CD226: variants seen among roughly 807,000 people sequenced by gnomAD.
CD226 encodes the protein CD226 antigen.
CD226 carries 24 observed loss-of-function variants against 34.9 expected under a neutral mutation model. That is an observed-to-expected ratio of 0.69 (90% CI 0.50 to 0.97). CD226 has a LOEUF of 0.97. CD226 is among the 50% of genes least tolerant of loss of function. The pLI, the probability that CD226 is intolerant of heterozygous loss-of-function variation, is 0.00. For missense variants in CD226, 397 were observed against 412.7 expected (o/e 0.96, Z 0.33); for synonymous variants, 148 against 147.4 (o/e 1.00, Z -0.03).
chr18:69,961,394 T>C (rs755734619), upstream of CD226, among the ~76,000 whole-genome samples: 2 of 152,258 alleles, frequency 1.3e-5, no homozygotes, highest in African/African-American at 2.4e-5. Context: ...GGTCAGGCTA[T>C]GAATGGCTAT....
intron 2 of CD226, among the ~76,000 whole-genome samples, chr18:69,940,367 A>G (rs1299803879): frequency 6.6e-6 from 1 of 152,226 alleles, no homozygotes; most frequent in Non-Finnish European, 1.5e-5. Flanking sequence ...CAAGTGTGAA[A>G]GCAACTTTGG....
At chr18:69,921,039 A>C (rs2055444896) in intron 2 of CD226, among the ~76,000 whole-genome samples, 1 of 152,190 alleles carries the variant, frequency 6.6e-6, no homozygotes, top group Non-Finnish European at 1.5e-5. Flanking sequence ...TCAGTTCTTC[A>C]TGCCGAGGCA....
intron 2 of CD226, among the ~76,000 whole-genome samples, chr18:69,901,428 A>C (rs2055181098): frequency 6.6e-6 from 1 of 152,220 alleles, no homozygotes; most frequent in African/African-American, 2.4e-5. Context: ...ATTTGCTTCA[A>C]ATTAATCAAG....
intron 2 of CD226, among the ~76,000 whole-genome samples, chr18:69,898,438 G>C (rs1043372262): frequency 6.6e-6 from 1 of 152,156 alleles, no homozygotes; most frequent in Non-Finnish European, 1.5e-5. Flanking sequence ...TAGAAACAGG[G>C]GTCTACTCAT....
At chr18:69,899,796 G>T (rs1385408546) in intron 2 of CD226, among the ~76,000 whole-genome samples, 2 of 152,208 alleles carry the variant, frequency 1.3e-5, no homozygotes, top group African/African-American at 4.8e-5. Context: ...TGGTGAGGTT[G>T]CAGAGAAAAG....
chr18:69,868,072 A>G (rs1983260650), intron 4 of CD226, among the ~76,000 whole-genome samples: 1 of 152,214 alleles, frequency 6.6e-6, no homozygotes, highest in Admixed American at 6.5e-5. Context: ...CTGCAACCAC[A>G]GTATTCAATA....
chr18:69,947,249 G>A (rs1322735267), intron 1 of CD226, 112 bp downstream of exon 1: 1 of 944,636 alleles, frequency 1.1e-6, no homozygotes, highest in Non-Finnish European at 1.6e-6. Flanking sequence ...TTCTGAACAA[G>A]TGAGAAATTA....
intron 2 of CD226, among the ~76,000 whole-genome samples, chr18:69,925,132 C>A (rs771801867): frequency 3.3e-5 from 5 of 152,176 alleles, no homozygotes; most frequent in African/African-American, 4.8e-5. Flanking sequence ...ACCTGTTGGA[C>A]AAAATGCACT....
intron 2 of CD226, among the ~76,000 whole-genome samples, chr18:69,928,273 C>G (rs1377648146): frequency 6.6e-6 from 1 of 152,146 alleles, no homozygotes. Context: ...TGATCATTTT[C>G]TATCACTCCC....
chr18:69,866,527 T>C (rs1250926868), intron 5 of CD226, among the ~76,000 whole-genome samples: 1 of 152,206 alleles, frequency 6.6e-6, no homozygotes, highest in Non-Finnish European at 1.5e-5. Context: ...AAGTATACAC[T>C]AATAACTTAC....
chr18:69,959,642 ATC>A (rs1417843691), upstream of CD226, among the ~76,000 whole-genome samples: 130 of 51,306 alleles, frequency 2.5e-3, no homozygotes, highest in Non-Finnish European at 0.015. Flanking sequence ...GGAAAAAACA[ATC>A]ATAGTTATTT....
At chr18:69,886,156 G>A (rs961808566) in intron 3 of CD226, among the ~76,000 whole-genome samples, 1 of 152,056 alleles carries the variant, frequency 6.6e-6, no homozygotes, top group Non-Finnish European at 1.5e-5. Flanking sequence ...CTGAATCCCT[G>A]CCCCTCTATT....
intron 2 of CD226, among the ~76,000 whole-genome samples, chr18:69,910,331 C>T (rs548882022): frequency 6.6e-5 from 10 of 152,138 alleles, no homozygotes; most frequent in Non-Finnish European, 1.0e-4. Flanking sequence ...ATCTCAGTGA[C>T]GCTGCGTGGA....
chr18:69,916,907 T>C (rs989098036), intron 2 of CD226, among the ~76,000 whole-genome samples: 2 of 152,156 alleles, frequency 1.3e-5, no homozygotes, highest in African/African-American at 4.8e-5. Context: ...GTTAATACCA[T>C]CTCCCCACAT....
At chr18:69,894,387 G>GAAGGAAGGAAGT (rs1985083949) in intron 3 of CD226, among the ~76,000 whole-genome samples, 1 of 46 alleles carries the variant, frequency 0.022, no homozygotes, top group East Asian at 0.25. Context: ...AGGAAGGAAG[G>GAAGGAAGGAAGT]AAGGAAGGAA....
At chr18:69,950,201 CACACATGCATGCGTTT>C (rs1356560340), upstream of CD226, among the ~76,000 whole-genome samples, 1 of 152,136 alleles carries the variant, frequency 6.6e-6, no homozygotes. Flanking sequence ...CACATGCACG[CACACATGCATGCGTTT>C]ACACATGCTC....
Position 69,947,621 on chromosome 18 carries a change from C to T in CD226, c.-215G>A, listed in dbSNP as rs1343243843. 2 of 390,410 alleles carry T rather than the reference C, an allele frequency of 5.1e-6. No individual in the cohort carries two copies. The highest frequency in any genetic ancestry group is 6.5e-4 in the Middle Eastern group (1 of 1,534). 24.2% of individuals were successfully genotyped at this position (390,410 alleles called of 1,614,324 possible). ...GGGCAGATTTGAGTTTCTTCTCTCT[C>T]GGGGAACCAGTCGGCTTATTTTCGG... On this transcript the variant is annotated 5_prime_UTR_variant, in exon 1 of 6. Transcript: ENST00000582621.
chr18:69,914,414 G>A lies in CD226; in HGVS notation c.383-18369C>T, dbSNP rs79045971. On this transcript the variant is annotated intron_variant, in intron 2 of 5. Coordinates refer to ENST00000582621, the MANE Select transcript of CD226 (RefSeq NM_001303618.2). ...TTCCATTGAGTTCATGGACCAAGAG[G>A]AGAATATTTATTTTCAAGTTTTGTG... Among the ~76,000 whole-genome samples the A allele has an allele frequency of 4.6e-3, 701 of 152,296 alleles. 6 individuals carry two copies. The highest frequency in any genetic ancestry group is 0.016 in the African/African-American group (664 of 41,550).
chr18:69,954,519 T>A (rs1238751861), intron 1 of CD226, among the ~76,000 whole-genome samples: 1 of 151,894 alleles, frequency 6.6e-6, no homozygotes, highest in Non-Finnish European at 1.5e-5. Flanking sequence ...CCGTGCTGCC[T>A]CAAATCCTAA....
Sources: allele counts gnomAD v4.1 joint callset (sites outside exome capture counted in the v4.1 genomes callset), GRCh38; gene constraint gnomAD v4.1.1; transcripts MANE v1.5; gene names NCBI Gene and HGNC (gene_info 2026-07-23, HGNC 2026-07-21).